AGRN: variants seen among roughly 807,000 people sequenced by gnomAD.
The protein encoded by AGRN is agrin proteoglycan.
AGRN carries 106 observed loss-of-function variants against 211.0 expected under a neutral mutation model. That is an observed-to-expected ratio of 0.50 (90% CI 0.43 to 0.59). The LOEUF is 0.59. Ranked by LOEUF, AGRN falls within the 20% of genes least tolerant of loss-of-function variation. The probability of loss-of-function intolerance (pLI) is 0.00; values close to 1 mark genes in which losing one functional copy is unlikely to be tolerated. For synonymous variants in AGRN, 1,525 were observed against 1,332.5 expected (o/e 1.14, Z -3.15); for missense variants, 3,040 against 2,982.6 (o/e 1.02, Z -0.45).
Position 1,046,519 on chromosome 1 carries a change from G to T in AGRN, c.3034G>T (p.Ala1012Ser). ...CCTCCCCCTGGCTCCCAGCAGTACC[G>T]CACACAGCCAGACCACCCCTCCGCC... is the stretch of plus-strand genomic sequence containing the variant. ...GALPLAPSST[A>S]HSQTTPPPSS... The change falls in exon 18 of 36, where the codon GCA becomes TCA. Residue 1012 changes from alanine (A) to serine (S), a missense_variant. By Grantham distance (99) the Ala-to-Ser change is moderately conservative (BLOSUM62 1). Around this residue, in one of 3 missense-constraint regions of AGRN, gnomAD observed 1,537 missense variants for 1,505.0 expected, o/e 1.02. Transcript: ENST00000379370. 6.2e-7 allele frequency: 1 copy of T among 1,602,002 alleles called. No homozygotes were observed. Among genetic ancestry groups the T allele is most frequent in the Non-Finnish European group, 8.5e-7 (1 of 1,172,186 alleles).
At chr1:1,047,965 TCCTGGC>T in intron 22 of AGRN, 41 bp from the exon 23 acceptor site, 1 of 1,573,074 alleles carries the variant, frequency 6.4e-7, no homozygotes, top group Non-Finnish European at 8.6e-7. Flanking sequence ...CCTCACCCCT[TCCTGGC>T]CCTGCTCCCA....
At position 1,051,352 on chromosome 1, in the gene AGRN, G is replaced by A. The variant is rs144245019; in HGVS notation, c.5353G>A (p.Asp1785Asn). Residue 1785 changes from aspartate to asparagine, a missense_variant, in exon 31 of 36, where the codon GAC (aspartate) becomes AAC (asparagine). Around this residue, in one of 3 missense-constraint regions of AGRN, gnomAD observed 1,537 missense variants for 1,505.0 expected, o/e 1.02. Transcript: ENST00000379370. Reference protein sequence around the residue: ...ARAAAVSSGFDGAIQLVSLGG... With the variant: ...ARAAAVSSGFNGAIQLVSLGG... The stretch of plus-strand genomic sequence containing the variant: ...TGCTGCTGCCGTGTCCTCTGGCTTC[G>A]ACGGTGCCATCCAGCTGGTATGTGG... 14,889 of 1,566,410 alleles carry A rather than the reference G, an allele frequency of 9.5e-3. 87 individuals are homozygous for A. Among genetic ancestry groups the A allele is most frequent in the Non-Finnish European group, 0.012 (13,543 of 1,156,728 alleles).
In AGRN at chr1:1,039,483, G is replaced by A. The variant is rs186175207; in HGVS notation, c.512-1182G>A. ...TGGGTGGTAGCCACCCCTCTGACATGACTTATTAATGATAATTGGACCCAA... is the reference window on the plus strand; with the variant it reads ...TGGGTGGTAGCCACCCCTCTGACATAACTTATTAATGATAATTGGACCCAA... On this transcript the variant is annotated intron_variant, in intron 3 of 35. Coordinates refer to ENST00000379370, the MANE Select transcript of AGRN (RefSeq NM_198576.4). Among the ~76,000 whole-genome samples the A allele has an allele frequency of 1.0e-3, 152 of 151,876 alleles. 1 individual carries two copies. The highest frequency in any genetic ancestry group is 3.6e-3 in the African/African-American group (149 of 41,392).
chr1:1,048,293 C>T lies in AGRN; in HGVS notation c.4033C>T (p.Gln1345Ter), dbSNP rs1390877047. 1 of 1,510,462 alleles carries T rather than the reference C, an allele frequency of 6.6e-7. No homozygotes were observed. The highest frequency in any genetic ancestry group is 2.1e-5 in the Admixed American group (1 of 47,446). The allele number at this position is 1,510,462 out of a possible 1,614,324, so 93.6% of individuals were successfully genotyped here. ...SQPCFHGGTC[Q>*]DWALGGGFTC... ...GCCCTGCTTCCACGGGGGGACCTGC[C>T]AGGACTGGGCATTGGGCGGGGGCTT... The change falls in exon 23 of 36, where the codon CAG (glutamine) becomes TAG (stop). Residue 1345 changes from glutamine (Q) to a stop codon, truncating the protein, a stop_gained. Transcript: ENST00000379370. LOFTEE classifies it high-confidence loss of function. The surrounding 1 kb of genome is among the most constrained non-coding windows in gnomAD (Gnocchi z 5.9).
At position 1,055,202 on chromosome 1, in the gene AGRN, AC is replaced by A. The variant is rs1249193653; in HGVS notation, c.*225del. On this transcript the variant is annotated 3_prime_UTR_variant, in exon 36 of 36. Coordinates refer to ENST00000379370, the MANE Select transcript of AGRN (RefSeq NM_198576.4). Reference sequence around the variant, plus strand: ...CGTGGATGGCAGCCTCAGGACACACACCCCTGCCTCAAGGTGCTGAGCCCCC... The same window carrying A: ...CGTGGATGGCAGCCTCAGGACACACACCCTGCCTCAAGGTGCTGAGCCCCC... The A allele has an allele frequency of 1.4e-6, 1 of 697,646 alleles. No individual in the cohort carries two copies. Among genetic ancestry groups the A allele is most frequent in the East Asian group, 2.9e-5 (1 of 34,696 alleles). The allele number at this position is 697,646 out of a possible 1,614,324, so 43.2% of individuals were successfully genotyped here.
Position 1,047,566 on chromosome 1 carries a change from G to A in AGRN, c.3517-7G>A. 2 of 1,611,962 alleles carry A rather than the reference G, an allele frequency of 1.2e-6. No homozygotes were observed. Among genetic ancestry groups the A allele is most frequent in the Non-Finnish European group, 1.7e-6 (2 of 1,179,106 alleles). On this transcript the variant is annotated splice_region_variant and splice_polypyrimidine_tract_variant and intron_variant, in intron 20 of 35. Coordinates refer to ENST00000379370, the MANE Select transcript of AGRN (RefSeq NM_198576.4). ...CCCCCCAAGTCCTTGCCTACTCCCT[G>A]CCACAGCTGGACGACCTCTTCCGGA... is the stretch of plus-strand genomic sequence containing the variant.
intron 2 of AGRN, among the ~76,000 whole-genome samples, chr1:1,029,408 T>TGGGGGGATCAGTGTCTATGCAGGCAGGA (rs1557687855): frequency 6.2e-5 from 5 of 81,272 alleles, no homozygotes; most frequent in Admixed American, 1.7e-4. Flanking sequence ...TGCAGGCAGG[T>TGGGGGGATCAGTGTCTATGCAGGCAGGA]GGGGGGGACA....
chr1:1,048,224 C>G lies in AGRN; in HGVS notation c.3964C>G (p.Arg1322Gly), dbSNP rs184970403. The change falls in exon 23 of 36, where the codon CGG becomes GGG. Residue 1322 changes from arginine to glycine, a missense_variant. By Grantham distance (125) the Arg-to-Gly change is moderately radical. Around this residue, in one of 3 missense-constraint regions of AGRN, gnomAD observed 1,537 missense variants for 1,505.0 expected, o/e 1.02. Coordinates refer to ENST00000379370, the MANE Select transcript of AGRN (RefSeq NM_198576.4). The surrounding 1 kb of genome is among the most constrained non-coding windows in gnomAD (Gnocchi z 5.9). ...TTAPSRVPGR[R>G]PPAPQQPPKP... ...TGCCCCCAGCCGTGTGCCCGGACGTCGGCCCCCGGCCCCCCAGCAGCCTCC... is the reference window on the plus strand; with the variant it reads ...TGCCCCCAGCCGTGTGCCCGGACGTGGGCCCCCGGCCCCCCAGCAGCCTCC... 3.2e-6 allele frequency: 5 copies of G among 1,545,018 alleles called. No homozygotes were observed. Among genetic ancestry groups the G allele is most frequent in the Non-Finnish European group, 4.4e-6 (5 of 1,144,738 alleles).
intron 33 of AGRN, chr1:1,052,645 GTGTC>G (rs1645336261): frequency 5.6e-6 from 1 of 177,108 alleles, no homozygotes; most frequent in Admixed American, 5.6e-5. Flanking sequence ...ATGCATGTGT[GTGTC>G]CGTGTGTGTG....
chr1:1,055,495 T>A lies in AGRN; in HGVS notation c.*514T>A. On this transcript the variant is annotated 3_prime_UTR_variant, in exon 36 of 36. Coordinates refer to ENST00000379370, the MANE Select transcript of AGRN (RefSeq NM_198576.4). The stretch of plus-strand genomic sequence containing the variant: ...TGTTACTGCTGGGCACAGCTCTGCG[T>A]TGCTCCCGTGCTGCCTGCGCCAGCC... 4.1e-6 allele frequency: 1 copy of A among 241,972 alleles called. No homozygotes were observed. Among genetic ancestry groups the A allele is most frequent in the South Asian group, 5.3e-5 (1 of 18,952 alleles). The allele number at this position is 241,972 out of a possible 1,614,324, so 15.0% of individuals were successfully genotyped here.
At position 1,040,687 on chromosome 1, in the gene AGRN, C is replaced by T. The variant is rs1644905688; in HGVS notation, c.534C>T (p.Gly178=). 2 of 1,547,560 alleles carry T rather than the reference C, an allele frequency of 1.3e-6. No individual in the cohort carries two copies. The highest frequency in any genetic ancestry group is 1.7e-6 in the Non-Finnish European group (2 of 1,146,526). ...CAGCGTGCCGGGGAATGCTGTGCGG[C>T]TTCGGCGCCGTGTGCGAGCCCAACG... is the stretch of plus-strand genomic sequence containing the variant. ...PPDACRGMLC[G]FGAVCEPNAE... Residue 178 remains glycine, a synonymous_variant, in exon 4 of 36, where the codon GGC becomes GGT. Coordinates refer to ENST00000379370, the MANE Select transcript of AGRN (RefSeq NM_198576.4).
intron 3 of AGRN, among the ~76,000 whole-genome samples, chr1:1,037,256 C>T (rs552265571): frequency 1.3e-5 from 2 of 152,298 alleles, no homozygotes; most frequent in East Asian, 3.9e-4. Flanking sequence ...GTGGGAGGTC[C>T]CCTCTCTTAG....
chr1:1,046,552 C>T lies in AGRN; in HGVS notation c.3067C>T (p.Arg1023Ter), dbSNP rs769541558. ...HSQTTPPPSS[R>*]PRTTASVPRT... is the part of the protein sequence containing the mutation. Reference sequence around the variant, plus strand: ...CCAGACCACCCCTCCGCCCTCATCACGACCTCGGACCACTGCCAGCGTCCC... The same window carrying T: ...CCAGACCACCCCTCCGCCCTCATCATGACCTCGGACCACTGCCAGCGTCCC... Residue 1023 changes from arginine to a stop codon, truncating the protein, a stop_gained, in exon 18 of 36, where the codon CGA (arginine) becomes TGA (stop). Coordinates refer to ENST00000379370, the MANE Select transcript of AGRN (RefSeq NM_198576.4). LOFTEE classifies it high-confidence loss of function. 2.5e-6 allele frequency: 4 copies of T among 1,609,458 alleles called. No individual in the cohort carries two copies. Among genetic ancestry groups the T allele is most frequent in the South Asian group, 1.1e-5 (1 of 91,026 alleles).
Position 1,049,245 on chromosome 1 carries a change from A to C in AGRN, c.4308A>C (p.Thr1436=). The C allele has an allele frequency of 1.3e-6, 2 of 1,582,672 alleles. No homozygotes were observed. The highest frequency in any genetic ancestry group is 1.7e-6 in the Non-Finnish European group (2 of 1,170,900). The change falls in exon 25 of 36, where the codon ACA becomes ACC. Residue 1436 remains threonine (T), a synonymous_variant. Transcript: ENST00000379370. ...CTGCTCCTGCCCTCAGGTTTGACAC[A>C]GGTTCGGGGCCGGCGGTGCTGACCA... The part of the protein sequence containing the change: ...LDGRVQLRFD[T]GSGPAVLTSA...
In AGRN at chr1:1,037,534, G is replaced by A. The variant is rs145583928; in HGVS notation, c.511+2210G>A. ...ACCCGCTCCTATAAAAAGCACTGCC[G>A]CCTCCAGCGTTGCACACAGTGGGAG... On this transcript the variant is annotated intron_variant, in intron 3 of 35. Transcript: ENST00000379370. Among the ~76,000 whole-genome samples, 830 of 152,326 alleles carry A rather than the reference G, an allele frequency of 5.4e-3. 10 individuals carry two copies. The highest frequency in any genetic ancestry group is 0.021 in the South Asian group (102 of 4,824).
chr1:1,044,875 C>G (rs1645047041), intron 12 of AGRN, among the ~76,000 whole-genome samples: 1 of 152,182 alleles, frequency 6.6e-6, no homozygotes, highest in South Asian at 2.1e-4. Context: ...ATGTCTGTTT[C>G]TCGATTTGCA....
chr1:1,022,357 G>A lies in AGRN; in HGVS notation c.358G>A (p.Ala120Thr), dbSNP rs765443053. ...GDTRIFFVNP[A>T]PPYLWPAHKN... ...CACCAGGATCTTCTTTGTGAACCCT[G>A]CACCCCCATACCTGTGGCCAGCCCA... Residue 120 changes from alanine (A) to threonine (T), a missense_variant, in exon 2 of 36, where the codon GCA (alanine) becomes ACA (threonine). This residue lies in a region of AGRN where 1,498 missense variants were observed against 1,457.8 expected (regional missense o/e 1.03). Coordinates refer to ENST00000379370, the MANE Select transcript of AGRN (RefSeq NM_198576.4). 1.9e-6 allele frequency: 3 copies of A among 1,613,338 alleles called. No individual in the cohort carries two copies. The highest frequency in any genetic ancestry group is 1.7e-6 in the Non-Finnish European group (2 of 1,180,000).
chr1:1,035,247 A>T, intron 2 of AGRN, 30 bp from the exon 3 acceptor site: 1 of 1,609,960 alleles, frequency 6.2e-7, no homozygotes, highest in East Asian at 2.2e-5. Context: ...TGCTCAGAGG[A>T]GCCTAACTTG....
chr1:1,053,900 C>T lies in AGRN; in HGVS notation c.5799C>T (p.Asn1933=), dbSNP rs755986768. The change falls in exon 34 of 36, where the codon AAC becomes AAT. Residue 1933 remains asparagine (N), a synonymous_variant. Transcript: ENST00000379370. The part of the protein sequence containing the change: ...IVDGHLQLSY[N]LGSQPVVLRS... ...ACGGGCACCTGCAACTGAGCTACAA[C>T]CTGGGCTCCCAGCCCGTGGTGCTGC... 14 of 1,608,392 alleles carry T rather than the reference C, an allele frequency of 8.7e-6. No individual in the cohort carries two copies. Among genetic ancestry groups the T allele is most frequent in the Middle Eastern group, 3.6e-4 (2 of 5,614 alleles).
Sources: allele counts gnomAD v4.1 joint callset (sites outside exome capture counted in the v4.1 genomes callset), GRCh38; gene constraint gnomAD v4.1.1; regional missense constraint gnomAD v4.1.1; non-coding constraint Gnocchi (gnomAD v3.1); transcripts MANE v1.5; gene names NCBI Gene and HGNC (gene_info 2026-07-23, HGNC 2026-07-21).